Variants in WWOX observed in about 807,000 individuals in gnomAD.
The protein encoded by WWOX is WW domain-containing oxidoreductase.
A neutral mutation model predicts 46.2 loss-of-function variants in WWOX; 69 were observed. The observed-to-expected ratio is 1.49, with a 90% CI of 1.23 to 1.82. The LOEUF (loss-of-function observed/expected upper bound fraction) is 1.82. Among genes scored for constraint, WWOX ranks in the 40% most tolerant of loss-of-function variants. The pLI, the probability that WWOX is intolerant of heterozygous loss-of-function variation, is 0.00. For missense variants in WWOX, 919 were observed against 542.6 expected, an observed-to-expected ratio of 1.69 and a Z score of -6.89; for synonymous variants, 359 against 202.6, an observed-to-expected ratio of 1.77 and a Z score of -6.56.
chr16:79,109,767 A>G (rs1354486922), intron 8 of WWOX, among the ~76,000 whole-genome samples: 2 of 152,204 alleles, frequency 1.3e-5, no homozygotes, highest in Non-Finnish European at 2.9e-5. Context: ...GAGCGTTCGC[A>G]TCAGATAACT....
intron 8 of WWOX, chr16:79,204,957 C>A (rs12927043): frequency 0.11 from 16,900 of 152,198 alleles, 1,044 homozygotes; most frequent in Middle Eastern, 0.18. Flanking sequence ...CTTCTTAGTG[C>A]TCTTGCAAGA....
intron 4 of WWOX, among the ~76,000 whole-genome samples, chr16:78,150,255 C>T (rs1410668054): frequency 1.3e-5 from 2 of 152,208 alleles, no homozygotes; most frequent in South Asian, 2.1e-4. Flanking sequence ...TGAAGCGGTA[C>T]ATAGGGCCAG....
chr16:78,869,694 C>T (rs1418077751), intron 8 of WWOX, among the ~76,000 whole-genome samples: 1 of 152,156 alleles, frequency 6.6e-6, no homozygotes, highest in East Asian at 1.9e-4. Context: ...GTGCATCGCC[C>T]ACTCTGATTT....
intron 5 of WWOX, among the ~76,000 whole-genome samples, chr16:78,337,623 G>T (rs534298602): frequency 3.9e-5 from 6 of 152,074 alleles, no homozygotes; most frequent in African/African-American, 1.4e-4. Context: ...GTAGTTTCAC[G>T]CCTCTAAAAG....
intron 8 of WWOX, among the ~76,000 whole-genome samples, chr16:79,186,764 C>G (rs547367657): frequency 1.3e-5 from 2 of 152,204 alleles, no homozygotes; most frequent in African/African-American, 4.8e-5. Flanking sequence ...GGGAATTTTT[C>G]TCCAATCCTC....
chr16:78,424,546 T>C (rs1347813003), intron 6 of WWOX, among the ~76,000 whole-genome samples: 2 of 152,228 alleles, frequency 1.3e-5, no homozygotes, highest in African/African-American at 4.8e-5. Flanking sequence ...TGGTTGAACC[T>C]GAGTTCCAAC....
intron 5 of WWOX, among the ~76,000 whole-genome samples, chr16:78,250,949 G>A (rs1398598361): frequency 6.6e-6 from 1 of 152,262 alleles, no homozygotes; most frequent in East Asian, 1.9e-4. Context: ...ACAGGCATGG[G>A]GCACAGATGT....
intron 8 of WWOX, among the ~76,000 whole-genome samples, chr16:78,434,710 A>C (rs2083298229): frequency 6.6e-6 from 1 of 152,150 alleles, no homozygotes; most frequent in South Asian, 2.1e-4. Flanking sequence ...TAAGGTCCCT[A>C]ATCAGAGGAA....
intron 6 of WWOX, among the ~76,000 whole-genome samples, chr16:78,407,105 A>G (rs1325074150): frequency 6.6e-6 from 1 of 152,188 alleles, no homozygotes; most frequent in East Asian, 1.9e-4. Flanking sequence ...ACTGCCATCC[A>G]TGATTTCATG....
chr16:78,495,241 A>G (rs1252408982), intron 8 of WWOX, among the ~76,000 whole-genome samples: 1 of 145,466 alleles, frequency 6.9e-6, no homozygotes, highest in East Asian at 2.1e-4. Flanking sequence ...CCTAGATTCA[A>G]GCGATTCTCC....
At chr16:78,813,483 T>C (rs765216148) in intron 8 of WWOX, among the ~76,000 whole-genome samples, 1 of 152,134 alleles carries the variant, frequency 6.6e-6, no homozygotes, top group East Asian at 1.9e-4. Context: ...TGGGGACACA[T>C]ATTTTGTCCT....
intron 5 of WWOX, among the ~76,000 whole-genome samples, chr16:78,222,193 T>C (rs1249521165): frequency 6.6e-6 from 1 of 151,998 alleles, no homozygotes; most frequent in Non-Finnish European, 1.5e-5. Context: ...AGAAGCCAAC[T>C]CCCAGGGGGC....
intron 5 of WWOX, among the ~76,000 whole-genome samples, chr16:78,274,059 C>T (rs2079533814): frequency 2.0e-5 from 3 of 152,200 alleles, no homozygotes. Context: ...TTTCAAACTA[C>T]AAACAAATAC....
chr16:79,102,720 C>T (rs970323311), intron 8 of WWOX, among the ~76,000 whole-genome samples: 2 of 152,116 alleles, frequency 1.3e-5, no homozygotes, highest in Admixed American at 1.3e-4. Context: ...ATCCTAATAT[C>T]TCGGAGGTTC....
chr16:78,875,761 G>T (rs2044222155), intron 8 of WWOX, among the ~76,000 whole-genome samples: 1 of 152,198 alleles, frequency 6.6e-6, no homozygotes. Context: ...TGGCCTGTCA[G>T]TGTAGGCTCT....
intron 8 of WWOX, among the ~76,000 whole-genome samples, chr16:78,663,480 T>C (rs192148072): frequency 1.3e-5 from 2 of 152,340 alleles, no homozygotes; most frequent in East Asian, 3.9e-4. Context: ...TATGAACATC[T>C]GGTTACTTCT....
chr16:79,085,922 C>T lies in WWOX; in HGVS notation c.1057-125686C>T, dbSNP rs149225992. On this transcript the variant is annotated intron_variant, in intron 8 of 8. Coordinates refer to ENST00000566780, the MANE Select transcript of WWOX (RefSeq NM_016373.4). ...AAAAAATTAGCCAGGCTTGGTGGTA[C>T]ATGCCTGTAGTCCCAGCTACTCACC... Among the ~76,000 whole-genome samples the T allele has an allele frequency of 9.2e-5, 14 of 152,094 alleles. No homozygotes were observed. The East Asian group carries it at 2.3e-3, about 25-fold the overall frequency.
intron 8 of WWOX, among the ~76,000 whole-genome samples, chr16:78,704,462 C>G (rs939106660): frequency 6.6e-6 from 1 of 152,094 alleles, no homozygotes; most frequent in Non-Finnish European, 1.5e-5. Flanking sequence ...TGTATGATTG[C>G]CCACGGATCT....
intron 8 of WWOX, among the ~76,000 whole-genome samples, chr16:79,161,849 C>T (rs982452084): frequency 6.6e-6 from 1 of 152,184 alleles, no homozygotes; most frequent in Non-Finnish European, 1.5e-5. Flanking sequence ...AATGCTTTTT[C>T]TGTCACCTCC....
Sources: gnomAD v4.1 joint callset for allele counts (sites outside exome capture counted in the v4.1 genomes callset) on GRCh38, gnomAD v4.1.1 for gene constraint, MANE v1.5 for transcripts, NCBI Gene and HGNC (gene_info 2026-07-23, HGNC 2026-07-21) for gene names.